Variants in ANKRD28 observed in about 807,000 individuals in gnomAD.
ANKRD28 encodes serine/threonine-protein phosphatase 6 regulatory ankyrin repeat subunit A.
Under a neutral mutation model 126.5 loss-of-function variants are expected in ANKRD28, and 44 were observed. That is an observed-to-expected ratio of 0.35 (90% CI 0.27 to 0.45). The LOEUF is 0.45. Among genes scored for constraint, ANKRD28 ranks in the 20% least tolerant of loss-of-function variants. The pLI, the probability that ANKRD28 is intolerant of heterozygous loss-of-function variation, is 1.00. For missense variants in ANKRD28, 1,110 were observed against 1,316.6 expected (o/e 0.84, Z 2.43); for synonymous variants, 442 against 468.5 (o/e 0.94, Z 0.73).
At chr3:15,813,513 A>G (rs975907064) in intron 1 of ANKRD28, among the ~76,000 whole-genome samples, 5 of 152,212 alleles carry the variant, frequency 3.3e-5, no homozygotes, top group Admixed American at 6.5e-5. Flanking sequence ...TTGGGATCAT[A>G]AGATATTTAA....
chr3:15,710,682 G>A (rs2072146843), intron 12 of ANKRD28, among the ~76,000 whole-genome samples: 1 of 152,164 alleles, frequency 6.6e-6, no homozygotes, highest in Non-Finnish European at 1.5e-5. Flanking sequence ...CAGAGGCCAT[G>A]AGTTTTAGCT....
intron 21 of ANKRD28, among the ~76,000 whole-genome samples, chr3:15,680,181 T>C (rs1247238495): frequency 1.3e-5 from 2 of 152,112 alleles, no homozygotes; most frequent in African/African-American, 4.8e-5. Context: ...ACTACACATA[T>C]CCTTCCATAA....
intron 21 of ANKRD28, 87 bp from the exon 22 acceptor site, chr3:15,679,650 T>C: frequency 3.9e-6 from 4 of 1,012,796 alleles, no homozygotes; most frequent in South Asian, 1.5e-5. Flanking sequence ...AAAGGAAAAA[T>C]GTAAAAGTCT....
At chr3:15,755,287 A>T (rs1475240524) in intron 3 of ANKRD28, among the ~76,000 whole-genome samples, 1 of 152,258 alleles carries the variant, frequency 6.6e-6, no homozygotes, top group African/African-American at 2.4e-5. Context: ...CACCAACATT[A>T]GTTAACATGT....
chr3:15,822,111 G>T (rs959150568), intron 1 of ANKRD28, among the ~76,000 whole-genome samples: 1 of 152,142 alleles, frequency 6.6e-6, no homozygotes, highest in Non-Finnish European at 1.5e-5. Context: ...GTCCAGGACT[G>T]GCCATATGCT....
At chr3:15,801,383 T>C (rs1559556090), upstream of ANKRD28, among the ~76,000 whole-genome samples, 1 of 152,118 alleles carries the variant, frequency 6.6e-6, no homozygotes, top group Non-Finnish European at 1.5e-5. The surrounding 1 kb of genome is among the most constrained non-coding windows in gnomAD (Gnocchi z 4.9). Context: ...AACCTCACCT[T>C]TTGTCTTACA....
chr3:15,843,874 G>T lies in ANKRD28; in HGVS notation c.27+15503C>A, dbSNP rs374826766. On this transcript the variant is annotated intron_variant, in intron 1 of 27. Transcript: ENST00000399451. The surrounding 1 kb of genome is among the most constrained non-coding windows in gnomAD (Gnocchi z 5.2). ...AATGGGCAAGTTGCAAGAGGCAGAAGATGGAGATGAAAAGGAGAAGACTGA... is the reference window on the plus strand; with the variant it reads ...AATGGGCAAGTTGCAAGAGGCAGAATATGGAGATGAAAAGGAGAAGACTGA... Among the ~76,000 whole-genome samples, 2 of 152,148 alleles carry T rather than the reference G, an allele frequency of 1.3e-5. No individual in the cohort carries two copies. Among genetic ancestry groups the T allele is most frequent in the East Asian group, 1.9e-4 (1 of 5,194 alleles).
chr3:15,804,274 C>T (rs991233337), intron 1 of ANKRD28, among the ~76,000 whole-genome samples: 1 of 145,174 alleles, frequency 6.9e-6, no homozygotes, highest in Non-Finnish European at 1.5e-5. Flanking sequence ...TAGACTATAC[C>T]TGCTACCAAG....
chr3:15,834,947 A>G (rs2061290408), intron 1 of ANKRD28, among the ~76,000 whole-genome samples: 1 of 152,234 alleles, frequency 6.6e-6, no homozygotes. Context: ...CAGAAGTCCG[A>G]GACTAGCCTG....
rs376926246 is a variant in ANKRD28 at position 15,825,900 on chromosome 3, T to C, written c.28-30594A>G. Among the ~76,000 whole-genome samples, 210 of 152,326 alleles carry C rather than the reference T, an allele frequency of 1.4e-3. 3 individuals are homozygous for C. Among genetic ancestry groups the C allele is most frequent in the South Asian group, 2.3e-3 (11 of 4,830 alleles). ...ACAAATTAAAACAAAGTATCACTCATATACATCAGAATGCCAAAATGAAAG... is the reference window on the plus strand; with the variant it reads ...ACAAATTAAAACAAAGTATCACTCACATACATCAGAATGCCAAAATGAAAG... On this transcript the variant is annotated intron_variant, in intron 1 of 27. Transcript: ENST00000399451.
chr3:15,813,530 G>GT (rs1344498105), intron 1 of ANKRD28, among the ~76,000 whole-genome samples: 1 of 152,066 alleles, frequency 6.6e-6, no homozygotes, highest in East Asian at 1.9e-4. Flanking sequence ...TTAACAAAAA[G>GT]TACAGCATAC....
chr3:15,721,632 A>AT (rs2073744822), intron 7 of ANKRD28, among the ~76,000 whole-genome samples: 1 of 152,210 alleles, frequency 6.6e-6, no homozygotes, highest in Non-Finnish European at 1.5e-5. Context: ...TATTTAATTC[A>AT]TTTTTTGCCA....
At chr3:15,852,320 TA>T (rs796609209) in intron 1 of ANKRD28, among the ~76,000 whole-genome samples, 19 of 152,346 alleles carry the variant, frequency 1.2e-4, no homozygotes, top group African/African-American at 4.6e-4. Flanking sequence ...TGTATTTCTT[TA>T]GTATTTTTGG....
intron 2 of ANKRD28, among the ~76,000 whole-genome samples, chr3:15,793,182 A>C (rs1010267103): frequency 2.0e-5 from 3 of 152,222 alleles, no homozygotes; most frequent in Admixed American, 2.0e-4. Context: ...ATTACCTATT[A>C]AAAGTCAGTG....
In ANKRD28 at chr3:15,669,065, C is replaced by T. The variant is rs2066135080; in HGVS notation, c.*1205G>A. On this transcript the variant is annotated 3_prime_UTR_variant, in exon 28 of 28. Transcript: ENST00000683139. ...TAGTCTTCAATTTGGCAGGCAACTG[C>T]TTCTCTCTCCAAATAGTAACAGGTT... 1 of 152,332 alleles carries T rather than the reference C, an allele frequency of 6.6e-6. No individual in the cohort carries two copies. Among genetic ancestry groups the T allele is most frequent in the Admixed American group, 6.5e-5 (1 of 15,274 alleles). The allele number at this position is 152,332 out of a possible 1,614,324, so 9.4% of individuals were successfully genotyped here. A position where few individuals can be genotyped will look rare whatever the true frequency, so the allele number is the denominator to read the frequency against.
At chr3:15,736,257 C>T (rs2075009275) in intron 5 of ANKRD28, among the ~76,000 whole-genome samples, 1 of 152,090 alleles carries the variant, frequency 6.6e-6, no homozygotes, top group Non-Finnish European at 1.5e-5. Flanking sequence ...TCTTACTGTG[C>T]CTTAATTATA....
chr3:15,691,218 G>C lies in ANKRD28; in HGVS notation c.1762-998C>G, dbSNP rs149755539. ...GCTCACTGCAACCTCCGCCTCCCTG[G>C]GTTCAAGCGATTCTCCTGTCTCAGT... On this transcript the variant is annotated intron_variant, in intron 17 of 27. Transcript: ENST00000683139. Among the ~76,000 whole-genome samples the C allele has an allele frequency of 4.2e-3, 641 of 152,012 alleles. 4 individuals are homozygous for C. The highest frequency in any genetic ancestry group is 0.019 in the East Asian group (96 of 5,146).
chr3:15,693,327 CAGAGAGAG>C (rs59750718), intron 17 of ANKRD28, among the ~76,000 whole-genome samples: 1 of 148,392 alleles, frequency 6.7e-6, no homozygotes, highest in Non-Finnish European at 1.5e-5. Flanking sequence ...AATGGGGGGG[CAGAGAGAG>C]AGAGAGAGAG....
In ANKRD28 at chr3:15,815,777, C is replaced by A. The variant is rs2060820086; in HGVS notation, c.28-20471G>T. 6.6e-6 allele frequency among the ~76,000 whole-genome samples: 1 copy of A among 152,110 alleles called. No homozygotes were observed. Among genetic ancestry groups the A allele is most frequent in the Non-Finnish European group, 1.5e-5 (1 of 67,996 alleles). ...AAACATAAAAATCTGTTATTTCTTC[C>A]CTTGTCAAAATTATTTATGAACAAA... On this transcript the variant is annotated intron_variant, in intron 1 of 27. Coordinates refer to the ANKRD28 transcript ENST00000399451. This position sits in a 1 kb window ranked among gnomAD's most constrained non-coding sequence, Gnocchi z 4.1.
Sources: allele counts gnomAD v4.1 joint callset (sites outside exome capture counted in the v4.1 genomes callset), GRCh38; gene constraint gnomAD v4.1.1; non-coding constraint Gnocchi (gnomAD v3.1); transcripts MANE v1.5; gene names NCBI Gene and HGNC (gene_info 2026-07-23, HGNC 2026-07-21).